CILP: variants seen among roughly 807,000 people sequenced by gnomAD.
CILP encodes the protein cartilage intermediate layer protein.
CILP carries 75 observed loss-of-function variants against 82.5 expected under a neutral mutation model. The observed-to-expected ratio is 0.91, with a 90% CI of 0.75 to 1.10. The LOEUF is 1.10. Among genes scored for constraint, CILP ranks in the 50% least tolerant of loss-of-function variants. CILP has a pLI of 0.00. For synonymous variants in CILP, 530 were observed against 580.3 expected, an observed-to-expected ratio of 0.91 and a Z score of 1.25; for missense variants, 1,479 against 1,530.8, an observed-to-expected ratio of 0.97 and a Z score of 0.56.
Position 65,203,379 on chromosome 15 carries a change from C to T in CILP, c.1011G>A (p.Arg337=). ...ATACGCACCAAAAATACTTGTCTGG[C>T]CTGGGCTTCCCTGTGGCCTTACAGC... ...SLCCKATGKP[R]PDKYFWYHND... The change falls in exon 7 of 9, where the codon AGG becomes AGA. Residue 337 remains arginine (R), a synonymous_variant. Transcript: ENST00000261883. The T allele has an allele frequency of 1.9e-6, 3 of 1,613,456 alleles. No individual in the cohort carries two copies. The highest frequency in any genetic ancestry group is 1.7e-6 in the Non-Finnish European group (2 of 1,179,820).
Position 65,199,036 on chromosome 15 carries a change from C to A in CILP, c.1250G>T (p.Cys417Phe), listed in dbSNP as rs2088419339. The A allele has an allele frequency of 6.2e-7, 1 of 1,604,982 alleles. No individual in the cohort carries two copies. Residue 417 changes from cysteine to phenylalanine, a missense_variant, in exon 9 of 9, where the codon TGC becomes TTC. Cys to Phe is a radical substitution (Grantham distance 205). Coordinates refer to ENST00000261883, the MANE Select transcript of CILP (RefSeq NM_003613.4). ...ESYLIRLPHD[C>F]FQNATNSFYY... ...GAAGGAGTTGGTGGCATTCTGAAAGCAATCATGGGGCAGCCGGATAAGATA... is the reference window on the plus strand; with the variant it reads ...GAAGGAGTTGGTGGCATTCTGAAAGAAATCATGGGGCAGCCGGATAAGATA...
At chr15:65,199,143 C>T in intron 8 of CILP, 44 bp from the exon 9 acceptor site, 1 of 1,425,244 alleles carries the variant, frequency 7.0e-7, no homozygotes, top group East Asian at 2.3e-5. Flanking sequence ...AAGTTTACAT[C>T]CTACACAAAG....
chr15:65,204,188 A>G (rs2088490885), intron 6 of CILP, 80 bp downstream of exon 6: 2 of 1,346,976 alleles, frequency 1.5e-6, no homozygotes, highest in Admixed American at 4.5e-5. Context: ...GTTAGCTGGG[A>G]AGCCAGCTTT....
Position 65,204,510 on chromosome 15 carries a change from A to C in CILP, c.677T>G (p.Leu226Arg). ...TCCGGGAAGGGAGACAGCCCCATGA[A>C]GCATGAAGTCCTGGCACATGCAGGC... Reference protein sequence around the residue: ...CDACMCQDFMLHGAVSLPGGA... With the variant: ...CDACMCQDFMRHGAVSLPGGA... The change falls in exon 6 of 9, where the codon CTT (leucine) becomes CGT (arginine). Residue 226 changes from leucine to arginine, a missense_variant. Physicochemically the swap from Leu to Arg is moderately radical, Grantham distance 102. Transcript: ENST00000261883. 6.2e-7 allele frequency: 1 copy of C among 1,613,860 alleles called. No individual in the cohort carries two copies. Among genetic ancestry groups the C allele is most frequent in the Non-Finnish European group, 8.5e-7 (1 of 1,179,912 alleles).
chr15:65,204,291 ATGGTGGCTGCC>A lies in CILP; in HGVS notation c.885_895del (p.Lys295AsnfsTer18), dbSNP rs2088492315. ...ACCTGCCCTCACAAACTCTGCCTTG[ATGGTGGCTGCC>A]TTCAGGCTAGTCTTGGGCATTGTGA... On this transcript the variant is annotated frameshift_variant, in exon 6 of 9. Coordinates refer to ENST00000261883, the MANE Select transcript of CILP (RefSeq NM_003613.4). LOFTEE classifies it high-confidence loss of function. 1 of 1,613,832 alleles carries A rather than the reference ATGGTGGCTGCC, an allele frequency of 6.2e-7. No homozygotes were observed. Among genetic ancestry groups the A allele is most frequent in the African/African-American group, 1.3e-5 (1 of 74,928 alleles).
Position 65,198,557 on chromosome 15 carries a change from T to G in CILP, c.1729A>C (p.Ile577Leu). Residue 577 changes from isoleucine (I) to leucine (L), a missense_variant, in exon 9 of 9, where the codon ATC becomes CTC. Coordinates refer to ENST00000261883, the MANE Select transcript of CILP (RefSeq NM_003613.4). ...TTGGTCTCCATGGCTTCCAAAGTGA[T>G]GGGCTTTTTCCGACGAAGCATCTTG... ...EIKMLRRKKP[I>L]TLEAMETNII... 6.2e-7 allele frequency: 1 copy of G among 1,614,222 alleles called. No homozygotes were observed.
chr15:65,202,766 C>A (rs190976219), intron 7 of CILP, among the ~76,000 whole-genome samples: 10 of 149,720 alleles, frequency 6.7e-5, no homozygotes, highest in African/African-American at 2.5e-4. Context: ...GACCTAGGAA[C>A]TTTGTTCTGT....
chr15:65,205,911 G>T (rs545059208), intron 4 of CILP, among the ~76,000 whole-genome samples: 2 of 152,204 alleles, frequency 1.3e-5, no homozygotes, highest in Non-Finnish European at 2.9e-5. Context: ...CTGGCCTGAG[G>T]CCTGTGTACA....
intron 2 of CILP, among the ~76,000 whole-genome samples, chr15:65,208,889 G>A (rs2088551785): frequency 6.6e-6 from 1 of 152,108 alleles, no homozygotes; most frequent in African/African-American, 2.4e-5. Context: ...AGCTGTCAGG[G>A]TGGAAAGAGC....
intron 8 of CILP, 133 bp from the exon 9 acceptor site, chr15:65,199,232 ACTCT>A: frequency 1.5e-6 from 1 of 649,450 alleles, no homozygotes; most frequent in Non-Finnish European, 2.6e-6. Flanking sequence ...TTCTCACAGA[ACTCT>A]CTGAGAGGAT....
rs141790957 is a variant in CILP, at chr15:65,197,588, G to A, written c.2698C>T (p.Arg900Trp). The A allele has an allele frequency of 2.4e-4, 382 of 1,614,200 alleles. No homozygotes were observed. The highest frequency in any genetic ancestry group is 1.5e-3 in the African/African-American group (113 of 75,048). Reference protein sequence around the residue: ...NGPIYAFENLRACEEAPPSAA... With the variant: ...NGPIYAFENLWACEEAPPSAA... ...CTGGGTGGTGCCTCTTCACATGCCC[G>A]GAGGTTCTCAAAGGCATAGATGGGC... The change falls in exon 9 of 9, where the codon CGG becomes TGG. Residue 900 changes from arginine to tryptophan, a missense_variant. By Grantham distance (101) the Arg-to-Trp change is moderately radical (BLOSUM62 -3). Coordinates refer to ENST00000261883, the MANE Select transcript of CILP (RefSeq NM_003613.4).
chr15:65,207,307 G>C (rs923338664), intron 3 of CILP, among the ~76,000 whole-genome samples: 5 of 152,166 alleles, frequency 3.3e-5, no homozygotes, highest in Non-Finnish European at 7.3e-5. Flanking sequence ...CCTGCAGTCA[G>C]GGTGAGCTTT....
intron 2 of CILP, 108 bp downstream of exon 2, chr15:65,209,587 T>C: frequency 1.0e-6 from 1 of 1,003,784 alleles, no homozygotes; most frequent in South Asian, 1.4e-5. Context: ...CCTCAGGTCT[T>C]AAGGCCTTGC....
chr15:65,205,256 C>A, intron 5 of CILP, 31 bp downstream of exon 5: 1 of 1,573,630 alleles, frequency 6.4e-7, no homozygotes, highest in South Asian at 1.1e-5. Context: ...ACCCACCACA[C>A]CCTGCCCAGT....
Position 65,198,405 on chromosome 15 carries a change from C to T in CILP, c.1881G>A (p.Leu627=), listed in dbSNP as rs2088405489. 1.2e-6 allele frequency: 2 copies of T among 1,614,236 alleles called. No individual in the cohort carries two copies. The highest frequency in any genetic ancestry group is 1.7e-6 in the Non-Finnish European group (2 of 1,180,042). The change falls in exon 9 of 9, where the codon CTG becomes CTA. Residue 627 remains leucine (L), a synonymous_variant. Coordinates refer to ENST00000261883, the MANE Select transcript of CILP (RefSeq NM_003613.4). The part of the protein sequence containing the change: ...IGKVKASVTF[L]DPRNISTATA... ...TGGCTGTGGAAATATTCCGGGGATC[C>T]AGGAAGGTCACACTGGCCTTCACTT... is the stretch of plus-strand genomic sequence containing the variant.
intron 5 of CILP, among the ~76,000 whole-genome samples, 180 bp downstream of exon 5, chr15:65,205,107 C>T (rs764305045): frequency 2.0e-5 from 3 of 152,176 alleles, no homozygotes; most frequent in African/African-American, 7.2e-5. Context: ...ATTGACCCTG[C>T]CCTGTGTTCC....
intron 5 of CILP, 80 bp from the exon 6 acceptor site, chr15:65,204,662 C>T: frequency 7.2e-7 from 1 of 1,388,016 alleles, no homozygotes; most frequent in Middle Eastern, 2.2e-4. Flanking sequence ...CACTTCCTCT[C>T]CTCCTTGGCC....
Position 65,197,464 on chromosome 15 carries a change from T to C in CILP, c.2822A>G (p.Tyr941Cys), listed in dbSNP as rs370254537. The change falls in exon 9 of 9, where the codon TAT (tyrosine) becomes TGT (cysteine). Residue 941 changes from tyrosine to cysteine, a missense_variant. Transcript: ENST00000261883. ...EDDPMSWTEDYLAWWPKPMEF... is the reference protein window; with the variant it reads ...EDDPMSWTEDCLAWWPKPMEF... The stretch of plus-strand genomic sequence containing the variant: ...CATCGGCTTTGGCCACCATGCCAGA[T>C]AGTCTTCAGTCCAGCTCATAGGGTC... The C allele has an allele frequency of 1.2e-6, 2 of 1,614,136 alleles. No individual in the cohort carries two copies. Among genetic ancestry groups the C allele is most frequent in the African/African-American group, 2.7e-5 (2 of 74,946 alleles).
Position 65,197,797 on chromosome 15 carries a change from C to G in CILP, c.2489G>C (p.Gly830Ala). The G allele has an allele frequency of 5.6e-6, 9 of 1,613,640 alleles. No individual in the cohort carries two copies. Among genetic ancestry groups the G allele is most frequent in the Non-Finnish European group, 7.6e-6 (9 of 1,180,028 alleles). The change falls in exon 9 of 9, where the codon GGG becomes GCG. Residue 830 changes from glycine to alanine, a missense_variant. By Grantham distance (60) the Gly-to-Ala change is moderately conservative. Coordinates refer to ENST00000261883, the MANE Select transcript of CILP (RefSeq NM_003613.4). Reference protein sequence around the residue: ...YSAYVLASLAGEELQAVESSP... With the variant: ...YSAYVLASLAAEELQAVESSP... Reference sequence around the variant, plus strand: ...AGACTCCACTGCTTGCAGTTCCTCCCCAGCCAGGCTTGCCAAGACATAGGC... The same window carrying G: ...AGACTCCACTGCTTGCAGTTCCTCCGCAGCCAGGCTTGCCAAGACATAGGC...
Sources: allele counts gnomAD v4.1 joint callset (sites outside exome capture counted in the v4.1 genomes callset), GRCh38; gene constraint gnomAD v4.1.1; transcripts MANE v1.5; gene names NCBI Gene and HGNC (gene_info 2026-07-23, HGNC 2026-07-21).